Variants in SETD5 observed in about 807,000 individuals in gnomAD.
The protein encoded by SETD5 is SET domain containing 5.
Under a neutral mutation model 153.3 loss-of-function variants are expected in SETD5, and 44 were observed. That is an observed-to-expected ratio of 0.29 (90% CI 0.23 to 0.37). SETD5 has a LOEUF of 0.37. Ranked by LOEUF, SETD5 falls within the 10% of genes least tolerant of loss-of-function variation. The probability of loss-of-function intolerance (pLI) is 1.00; values close to 1 mark genes in which losing one functional copy is unlikely to be tolerated. For missense variants in SETD5, 1,544 were observed against 1,768.0 expected (o/e 0.87, Z 2.27); for synonymous variants, 716 against 645.2 (o/e 1.11, Z -1.66).
Position 9,447,038 on chromosome 3 carries a change from A to G in SETD5, c.1525-12A>G, listed in dbSNP as rs768890584. ...TGAAGCTTCCTTCTACACCAGTACT[A>G]TCTCTTTCTAGACCAGGGAAGATAG... is the stretch of plus-strand genomic sequence containing the variant. On this transcript the variant is annotated splice_polypyrimidine_tract_variant and intron_variant, in intron 13 of 22. Coordinates refer to ENST00000402198, the MANE Select transcript of SETD5 (RefSeq NM_001080517.3). The G allele has an allele frequency of 1.4e-5, 23 of 1,600,708 alleles. No homozygotes were observed. The highest frequency in any genetic ancestry group is 2.7e-5 in the African/African-American group (2 of 73,966).
At chr3:9,444,218 A>G (rs1195905248) in intron 11 of SETD5, among the ~76,000 whole-genome samples, 1 of 152,250 alleles carries the variant, frequency 6.6e-6, no homozygotes, top group African/African-American at 2.4e-5. Context: ...AGGGCAATTC[A>G]TAGATGAATA....
intron 16 of SETD5, among the ~76,000 whole-genome samples, chr3:9,450,128 A>G (rs1256172061): frequency 6.6e-6 from 1 of 152,222 alleles, no homozygotes; most frequent in African/African-American, 2.4e-5. Flanking sequence ...TAGGACTGTA[A>G]CTTCAGATCT....
intron 1 of SETD5, among the ~76,000 whole-genome samples, chr3:9,416,233 A>T (rs371628182): frequency 6.6e-6 from 1 of 152,160 alleles, no homozygotes; most frequent in Non-Finnish European, 1.5e-5. Flanking sequence ...ATTGCTCACT[A>T]AAAATAAGAA....
chr3:9,449,317 C>T (rs1002357484), intron 16 of SETD5, among the ~76,000 whole-genome samples: 2 of 152,070 alleles, frequency 1.3e-5, no homozygotes, highest in Non-Finnish European at 2.9e-5. Context: ...TCTTAATTCC[C>T]AGAAGCCCTG....
At chr3:9,452,801 T>A (rs1575501789) in intron 16 of SETD5, among the ~76,000 whole-genome samples, 7 of 151,874 alleles carry the variant, frequency 4.6e-5, no homozygotes, top group African/African-American at 1.7e-4. Flanking sequence ...AGGTATAAAT[T>A]ATAATAATTC....
chr3:9,473,162 C>G lies in SETD5; in HGVS notation c.3196-74C>G, dbSNP rs576952730. The G allele has an allele frequency of 4.7e-6, 7 of 1,493,422 alleles. No homozygotes were observed. The African/African-American group carries it at 9.7e-5, about 21-fold the overall frequency. The allele number at this position is 1,493,422 out of a possible 1,614,324, so 92.5% of individuals were successfully genotyped here. ...ACTAAGGTACCATCTTTCCTTCTTT[C>G]CCTGTTGCTGGTGATCCACTAATGA... On this transcript the variant is annotated intron_variant, in intron 19 of 22. Transcript: ENST00000402198.
At chr3:9,431,680 C>A (rs758761579) in intron 3 of SETD5, 43 of 985,654 alleles carry the variant, frequency 4.4e-5, no homozygotes, top group Non-Finnish European at 4.9e-5. Flanking sequence ...TTAACCTCCA[C>A]AATATACATT....
At chr3:9,428,771 T>C in intron 2 of SETD5, 52 bp from the exon 3 acceptor site, 1 of 449,788 alleles carries the variant, frequency 2.2e-6, no homozygotes, top group African/African-American at 2.0e-5. Flanking sequence ...CTTGAAGAAC[T>C]ATCTGATAAC....
chr3:9,460,755 G>A (rs1278792831), intron 17 of SETD5, among the ~76,000 whole-genome samples: 2 of 152,056 alleles, frequency 1.3e-5, no homozygotes, highest in African/African-American at 4.8e-5. Flanking sequence ...TATGGGGAAA[G>A]GATGGATTAA....
At chr3:9,429,154 C>G (rs2039661735) in intron 3 of SETD5, 145 bp downstream of exon 3, 1 of 428,174 alleles carries the variant, frequency 2.3e-6, no homozygotes, top group Non-Finnish European at 4.0e-6. Context: ...CCCTTTACCC[C>G]CATTGAAGGT....
chr3:9,467,125 G>C (rs2044676498), intron 18 of SETD5, among the ~76,000 whole-genome samples: 1 of 150,316 alleles, frequency 6.7e-6, no homozygotes, highest in Non-Finnish European at 1.5e-5. Flanking sequence ...CTTGAGCCTG[G>C]GAGGTTGCAG....
At chr3:9,468,588 C>T in intron 18 of SETD5, 1 of 1,304,180 alleles carries the variant, frequency 7.7e-7, no homozygotes, top group Non-Finnish European at 1.0e-6. Flanking sequence ...AGTTATCACA[C>T]CATCTCAATC....
In SETD5 at chr3:9,475,080, G is replaced by A; in HGVS notation, c.3644G>A (p.Gly1215Glu). The change falls in exon 22 of 23, where the codon GGA (glycine) becomes GAA (glutamate). Residue 1215 changes from glycine to glutamate, a missense_variant. Physicochemically the swap from Gly to Glu is moderately conservative, Grantham distance 98 (BLOSUM62 -2). Coordinates refer to ENST00000402198, the MANE Select transcript of SETD5 (RefSeq NM_001080517.3). ...ITEKDSDPADGEGPETLSSAL... is the reference protein window; with the variant it reads ...ITEKDSDPADEEGPETLSSAL... ...TGTTACCTTCCAGACCCTGCAGATG[G>A]AGAAGGCCCAGAGACATTAAGCTCA... 6.3e-7 allele frequency: 1 copy of A among 1,585,192 alleles called. No individual in the cohort carries two copies. The highest frequency in any genetic ancestry group is 1.8e-5 in the Admixed American group (1 of 55,496).
At chr3:9,408,121 G>A (rs1402666430) in intron 1 of SETD5, among the ~76,000 whole-genome samples, 2 of 152,254 alleles carry the variant, frequency 1.3e-5, no homozygotes, top group African/African-American at 4.8e-5. Context: ...TCTCAAAAAT[G>A]TCTCAATTTG....
In SETD5 at chr3:9,473,465, C is replaced by T. The variant is rs760606339; in HGVS notation, c.3425C>T (p.Ala1142Val). 23 of 1,613,732 alleles carry T rather than the reference C, an allele frequency of 1.4e-5. No homozygotes were observed. The highest frequency in any genetic ancestry group is 3.3e-5 in the Admixed American group (2 of 59,946). The change falls in exon 20 of 23, where the codon GCG (alanine) becomes GTG (valine). Residue 1142 changes from alanine to valine, a missense_variant. By Grantham distance (64) the Ala-to-Val change is moderately conservative (BLOSUM62 0). Around this residue, in one of 9 missense-constraint regions of SETD5, gnomAD observed 93 missense variants for 93.4 expected, o/e 1.00. Transcript: ENST00000402198. ...CATTCCTCTATGTCCCATTTGGAGG[C>T]GGTAAGCCCATCAGATTCCAGAGGC... ...PSHSSMSHLE[A>V]VSPSDSRGTS...
chr3:9,406,580 C>T (rs867134423), intron 1 of SETD5, among the ~76,000 whole-genome samples: 5 of 143,248 alleles, frequency 3.5e-5, no homozygotes, highest in Non-Finnish European at 7.4e-5. Context: ...TGCACTCCAG[C>T]CTGGGCGACA....
At chr3:9,404,108 G>A (rs1476991532) in intron 1 of SETD5, among the ~76,000 whole-genome samples, 1 of 152,118 alleles carries the variant, frequency 6.6e-6, no homozygotes, top group East Asian at 1.9e-4. Context: ...TGTTGCTTGG[G>A]TTGAGGTACC....
At chr3:9,444,984 A>T in intron 11 of SETD5, 64 bp from the exon 12 acceptor site, 1 of 1,563,672 alleles carries the variant, frequency 6.4e-7, no homozygotes, top group Non-Finnish European at 8.6e-7. Flanking sequence ...AAGAGGGTGA[A>T]TGGATAATGT....
At chr3:9,475,283 C>G in intron 22 of SETD5, 127 bp downstream of exon 22, 1 of 1,139,206 alleles carries the variant, frequency 8.8e-7, no homozygotes, top group Non-Finnish European at 1.2e-6. Context: ...AATAAGTCAT[C>G]ATCTGCTTGT....
Sources: allele counts gnomAD v4.1 joint callset (sites outside exome capture counted in the v4.1 genomes callset), GRCh38; gene constraint gnomAD v4.1.1; regional missense constraint gnomAD v4.1.1; transcripts MANE v1.5; gene names NCBI Gene and HGNC (gene_info 2026-07-23, HGNC 2026-07-21).